Variants in LAMC3 observed in about 807,000 individuals in gnomAD.
LAMC3 encodes the protein laminin subunit gamma 3.
A neutral mutation model predicts 173.8 loss-of-function variants in LAMC3; 128 were observed. That is an observed-to-expected ratio of 0.74 (90% CI 0.64 to 0.85). LAMC3 has a LOEUF of 0.85. Among genes scored for constraint, LAMC3 ranks in the 40% least tolerant of loss-of-function variants. The pLI, the probability that LAMC3 is intolerant of heterozygous loss-of-function variation, is 0.00. For missense variants in LAMC3, 2,022 were observed against 2,156.0 expected (o/e 0.94, Z 1.23); for synonymous variants, 897 against 909.1 (o/e 0.99, Z 0.24).
Position 131,045,421 on chromosome 9 carries a change from G to A in LAMC3, c.1383-103G>A, listed in dbSNP as rs946345750. 18 of 1,333,476 alleles carry A rather than the reference G, an allele frequency of 1.3e-5. No homozygotes were observed. In the African/African-American group the frequency reaches 2.6e-4, roughly 19 times the overall value. 82.6% of individuals were successfully genotyped at this position (1,333,476 alleles called of 1,614,324 possible). ...GAAAAAAAATTGTTTTTAAGTTTCT[G>A]CAGTGATTCTAGACTCTCATTGGTC... On this transcript the variant is annotated intron_variant, in intron 7 of 27. Coordinates refer to ENST00000361069, the MANE Select transcript of LAMC3 (RefSeq NM_006059.4).
At chr9:131,075,726 T>A in intron 20 of LAMC3, 105 bp from the exon 21 acceptor site, 1 of 1,296,528 alleles carries the variant, frequency 7.7e-7, no homozygotes, top group Non-Finnish European at 1.1e-6. Context: ...GTGGCTGTCC[T>A]CTGTTAGGGG....
In LAMC3 at chr9:131,077,196, G is replaced by C; in HGVS notation, c.3639G>C (p.Glu1213Asp). 6.2e-7 allele frequency: 1 copy of C among 1,613,676 alleles called. No individual in the cohort carries two copies. Among genetic ancestry groups the C allele is most frequent in the Non-Finnish European group, 8.5e-7 (1 of 1,180,022 alleles). Reference sequence around the variant, plus strand: ...CTCTGCTTCCTCCCAGGTACCAGGAGGTCCAGGCGGCCCAGAAAGCACTGA... The same window carrying C: ...CTCTGCTTCCTCCCAGGTACCAGGACGTCCAGGCGGCCCAGAAAGCACTGA... ...TQRDLEDRYQ[E>D]VQAAQKALRT... is the part of the protein sequence containing the mutation. Residue 1213 changes from glutamate to aspartate, a missense_variant, in exon 22 of 28, where the codon GAG (glutamate) becomes GAC (aspartate). By Grantham distance (45) the Glu-to-Asp change is conservative (BLOSUM62 2). Coordinates refer to ENST00000361069, the MANE Select transcript of LAMC3 (RefSeq NM_006059.4).
chr9:131,076,072 C>T lies in LAMC3; in HGVS notation c.3629+107C>T, dbSNP rs957722512. The T allele has an allele frequency of 2.7e-5, 30 of 1,129,502 alleles. No individual in the cohort carries two copies. The South Asian group carries it at 3.7e-4, about 14-fold the overall frequency. 70.0% of individuals were successfully genotyped at this position (1,129,502 alleles called of 1,614,324 possible). On this transcript the variant is annotated intron_variant, in intron 21 of 27. Coordinates refer to ENST00000361069, the MANE Select transcript of LAMC3 (RefSeq NM_006059.4). ...CAGAGCCAGCTCCCTTGAGTCCTGA[C>T]GTTCTTTGTCGTTGGTGTCTTGGGT...
intron 8 of LAMC3, 30 bp from the exon 9 acceptor site, chr9:131,048,990 G>C (rs1229172374): frequency 1.4e-6 from 2 of 1,441,880 alleles, no homozygotes; most frequent in South Asian, 2.4e-5. Flanking sequence ...GCCTCACACT[G>C]ATCGGGGGGT....
At chr9:131,070,094 C>T (rs1218447478) in intron 17 of LAMC3, among the ~76,000 whole-genome samples, 1 of 152,224 alleles carries the variant, frequency 6.6e-6, no homozygotes, top group African/African-American at 2.4e-5. Context: ...CTGCCTTTCC[C>T]CACCACGCCA....
Position 131,045,380 on chromosome 9 carries a change from ACTC to A in LAMC3, c.1383-143_1383-141del, listed in dbSNP as rs376106434. On this transcript the variant is annotated intron_variant, in intron 7 of 27. Coordinates refer to ENST00000361069, the MANE Select transcript of LAMC3 (RefSeq NM_006059.4). Reference sequence around the variant, plus strand: ...GGGAACAATCTGTAATGTTCTTACTACTCTTCTAGAATTCTGAAAAAAAATTGT... The same window carrying A: ...GGGAACAATCTGTAATGTTCTTACTATTCTAGAATTCTGAAAAAAAATTGT... The A allele has an allele frequency of 1.9e-3, 1,561 of 839,396 alleles. 26 individuals are homozygous for A. In the South Asian group the frequency reaches 0.023, roughly 12 times the overall value. The allele number at this position is 839,396 out of a possible 1,614,324, so 52.0% of individuals were successfully genotyped here. A position where few individuals can be genotyped will look rare whatever the true frequency, so the allele number is the denominator to read the frequency against.
intron 11 of LAMC3, among the ~76,000 whole-genome samples, chr9:131,056,559 C>G (rs1834409324): frequency 1.3e-5 from 2 of 150,950 alleles, no homozygotes; most frequent in Admixed American, 1.3e-4. Flanking sequence ...CTTTGGGAGG[C>G]CAAGGCAGGA....
At chr9:131,013,052 C>T (rs190044621) in intron 1 of LAMC3, among the ~76,000 whole-genome samples, 9 of 152,160 alleles carry the variant, frequency 5.9e-5, no homozygotes, top group Non-Finnish European at 1.2e-4. Flanking sequence ...TGGACAGTGA[C>T]GGGGGTACAG....
intron 12 of LAMC3, 126 bp downstream of exon 12, chr9:131,057,273 G>A (rs973068361): frequency 3.4e-5 from 27 of 794,462 alleles, no homozygotes; most frequent in African/African-American, 3.1e-4. Flanking sequence ...GGGGCAGTGC[G>A]GGCACTGAGC....
intron 3 of LAMC3, 65 bp from the exon 4 acceptor site, chr9:131,036,101 G>T: frequency 6.4e-7 from 1 of 1,563,644 alleles, no homozygotes; most frequent in South Asian, 1.1e-5. Context: ...GCTACCTGGT[G>T]ACTAACTCCT....
chr9:131,063,403 G>A (rs1829868681), intron 13 of LAMC3, among the ~76,000 whole-genome samples: 1 of 152,238 alleles, frequency 6.6e-6, no homozygotes, highest in South Asian at 2.1e-4. Flanking sequence ...ACATACTTGA[G>A]GGAGGATTTC....
chr9:131,012,050 CACACACACACAT>C (rs1298924281), intron 1 of LAMC3, among the ~76,000 whole-genome samples: 1 of 127,816 alleles, frequency 7.8e-6, no homozygotes, highest in African/African-American at 3.6e-5. Flanking sequence ...AGAGAGCGAA[CACACACACACAT>C]ACACACACAC....
intron 14 of LAMC3, 48 bp from the exon 15 acceptor site, chr9:131,068,030 C>A (rs1829970108): frequency 6.3e-7 from 1 of 1,598,992 alleles, no homozygotes; most frequent in South Asian, 1.1e-5. Flanking sequence ...AAAGTTGGAA[C>A]AGACAATCTG....
Position 131,039,821 on chromosome 9 carries a change from G to A in LAMC3, c.1283+573G>A, listed in dbSNP as rs538292501. On this transcript the variant is annotated intron_variant, in intron 6 of 27. Coordinates refer to ENST00000361069, the MANE Select transcript of LAMC3 (RefSeq NM_006059.4). ...TAGCAGGGCACGCAGTGTGGGGAGC[G>A]GGGTGGGAGAGGCTGAGTGTCATCT... is the stretch of plus-strand genomic sequence containing the variant. Among the ~76,000 whole-genome samples, 21 of 152,080 alleles carry A rather than the reference G, an allele frequency of 1.4e-4. No individual in the cohort carries two copies. In the South Asian group the frequency reaches 1.7e-3, roughly 12 times the overall value.
chr9:131,052,962 G>C lies in LAMC3; in HGVS notation c.1936G>C (p.Ala646Pro). Residue 646 changes from alanine to proline, a missense_variant, in exon 11 of 28, where the codon GCC becomes CCC. Coordinates refer to ENST00000361069, the MANE Select transcript of LAMC3 (RefSeq NM_006059.4). ...RLRVSPGPSP[A>P]GPVFLTEVRL... Reference sequence around the variant, plus strand: ...CCGCGTCAGTCCCGGCCCCAGCCCTGCCGGTCAGTAAAGACAACCACATGC... The same window carrying C: ...CCGCGTCAGTCCCGGCCCCAGCCCTCCCGGTCAGTAAAGACAACCACATGC... The C allele has an allele frequency of 6.2e-7, 1 of 1,610,076 alleles. No homozygotes were observed.
chr9:131,053,060 C>A, intron 11 of LAMC3, 95 bp downstream of exon 11: 1 of 943,282 alleles, frequency 1.1e-6, no homozygotes, highest in Non-Finnish European at 1.7e-6. Context: ...CAGGGCCTTG[C>A]GGCCGGGTGG....
At chr9:131,084,413 G>GTTT (rs1406735691) in intron 24 of LAMC3, among the ~76,000 whole-genome samples, 1 of 151,734 alleles carries the variant, frequency 6.6e-6, no homozygotes, top group African/African-American at 2.4e-5. Context: ...GTCTCACTAT[G>GTTT]TTTCCTAGGC....
At chr9:131,047,638 G>A (rs1395370233) in intron 8 of LAMC3, among the ~76,000 whole-genome samples, 3 of 151,234 alleles carry the variant, frequency 2.0e-5, no homozygotes, top group East Asian at 2.0e-4. Context: ...TGGGGGGAGC[G>A]GATCACCTGA....
At chr9:131,045,772 A>C in intron 8 of LAMC3, 112 bp downstream of exon 8, 1 of 1,322,746 alleles carries the variant, frequency 7.6e-7, no homozygotes, top group South Asian at 1.2e-5. Flanking sequence ...GAGAGGAGCC[A>C]CAGGCCTGCA....
Sources: gnomAD v4.1 joint callset for allele counts (sites outside exome capture counted in the v4.1 genomes callset) on GRCh38, gnomAD v4.1.1 for gene constraint, MANE v1.5 for transcripts, NCBI Gene and HGNC (gene_info 2026-07-23, HGNC 2026-07-21) for gene names.